MYO9A: variants seen among roughly 807,000 people sequenced by gnomAD.
The protein encoded by MYO9A is unconventional myosin-IXa.
A neutral mutation model predicts 293.3 loss-of-function variants in MYO9A; 103 were observed. The observed-to-expected ratio is 0.35, with a 90% confidence interval of 0.30 to 0.41. MYO9A has a LOEUF of 0.41. MYO9A is among the 10% of genes least tolerant of loss of function. The pLI, the probability that MYO9A is intolerant of heterozygous loss-of-function variation, is 1.00. For missense variants in MYO9A, 2,685 were observed against 3,033.0 expected (o/e 0.89, Z 2.69); for synonymous variants, 1,001 against 1,035.7 (o/e 0.97, Z 0.64).
intron 39 of MYO9A, among the ~76,000 whole-genome samples, chr15:71,844,857 G>T (rs2055316132): frequency 6.6e-6 from 1 of 152,122 alleles, no homozygotes; most frequent in South Asian, 2.1e-4. Flanking sequence ...TTTAGAAAAA[G>T]ACATATATTA....
At chr15:71,988,011 AC>A (rs1381997962) in intron 11 of MYO9A, among the ~76,000 whole-genome samples, 28 of 152,148 alleles carry the variant, frequency 1.8e-4, no homozygotes, top group Admixed American at 1.6e-3. Context: ...TATATATAAT[AC>A]GTTTATGGCC....
At chr15:71,964,298 C>A (rs930281381) in intron 13 of MYO9A, among the ~76,000 whole-genome samples, 20 of 152,086 alleles carry the variant, frequency 1.3e-4, no homozygotes, top group African/African-American at 4.8e-4. Context: ...TACCCTTTCT[C>A]TAATTCCTTT....
At chr15:71,894,398 A>C (rs2057264812) in intron 25 of MYO9A, among the ~76,000 whole-genome samples, 3 of 152,064 alleles carry the variant, frequency 2.0e-5, no homozygotes, top group Admixed American at 2.0e-4. Context: ...TCAACATGGC[A>C]AAACTCCGTC....
intron 2 of MYO9A, chr15:72,045,373 C>T (rs929955875): frequency 6.2e-6 from 1 of 161,132 alleles, no homozygotes; most frequent in African/African-American, 2.4e-5. Context: ...AAACAATTCT[C>T]CTGCCTCAGC....
At position 71,897,502 on chromosome 15, in the gene MYO9A, C is replaced by T. The variant is rs199824222; in HGVS notation, c.5001G>A (p.Arg1667=). ...SDDLSREGNA[R]PIFFTPKDNM... ...TGTCCTTTGGAGTGAAGAAAATGGGCCTAGCATTTCCCTCTCTGGAAAGGT... is the reference window on the plus strand; with the variant it reads ...TGTCCTTTGGAGTGAAGAAAATGGGTCTAGCATTTCCCTCTCTGGAAAGGT... The change falls in exon 25 of 42, where the codon AGG becomes AGA. Residue 1667 remains arginine (R), a synonymous_variant. Transcript: ENST00000356056. 43 of 1,613,568 alleles carry T rather than the reference C, an allele frequency of 2.7e-5. No homozygotes were observed. The highest frequency in any genetic ancestry group is 1.7e-4 in the Admixed American group (10 of 59,956).
At chr15:71,870,193 T>C (rs1424217977) in intron 32 of MYO9A, among the ~76,000 whole-genome samples, 2 of 151,892 alleles carry the variant, frequency 1.3e-5, no homozygotes, top group Non-Finnish European at 2.9e-5. Context: ...AAAGTCTGTA[T>C]TACTTTCATG....
At chr15:71,997,976 T>C (rs1377221844) in intron 9 of MYO9A, among the ~76,000 whole-genome samples, 4 of 152,172 alleles carry the variant, frequency 2.6e-5, no homozygotes, top group Non-Finnish European at 4.4e-5. Flanking sequence ...ACTGGGCATA[T>C]ATCCAAAGGA....
chr15:71,837,135 T>C (rs1244663880), intron 39 of MYO9A, among the ~76,000 whole-genome samples: 2 of 152,080 alleles, frequency 1.3e-5, no homozygotes, highest in Non-Finnish European at 2.9e-5. Flanking sequence ...TGAGTTGAGT[T>C]TGGCAAGAAA....
In MYO9A at chr15:71,825,977, C is replaced by T. The variant is rs573847130; in HGVS notation, c.*603G>A. Reference sequence around the variant, plus strand: ...ACACGCTCTGATGGCTTAATGGAAACAATCACGGTTTTTTTTTGTTTTTTT... The same window carrying T: ...ACACGCTCTGATGGCTTAATGGAAATAATCACGGTTTTTTTTTGTTTTTTT... On this transcript the variant is annotated 3_prime_UTR_variant, in exon 42 of 42. Coordinates refer to ENST00000356056, the MANE Select transcript of MYO9A (RefSeq NM_006901.4). 8.3e-5 allele frequency: 12 copies of T among 145,206 alleles called. No homozygotes were observed. Among genetic ancestry groups the T allele is most frequent in the African/African-American group, 2.8e-4 (11 of 39,672 alleles). 9.0% of individuals were successfully genotyped at this position (145,206 alleles called of 1,614,324 possible).
chr15:72,040,180 C>A (rs1432405609), intron 2 of MYO9A: 1 of 152,594 alleles, frequency 6.6e-6, no homozygotes, highest in African/African-American at 2.4e-5. Flanking sequence ...CGTAGATAGG[C>A]CTCTAGGAAG....
rs149936860 is a variant in MYO9A, at chr15:71,946,310, T to C, written c.2302+5467A>G. On this transcript the variant is annotated intron_variant, in intron 15 of 41. Transcript: ENST00000356056. ...AATAAAATTACTAATGAGCCTATCT[T>C]GGCCTAAACTTCGTGTGGGGGGAAA... is the stretch of plus-strand genomic sequence containing the variant. Among the ~76,000 whole-genome samples, 33 of 152,326 alleles carry C rather than the reference T, an allele frequency of 2.2e-4. 1 individual carries two copies. The Middle Eastern group carries it at 0.01, about 47-fold the overall frequency.
At chr15:72,000,176 C>T (rs896820240) in intron 8 of MYO9A, among the ~76,000 whole-genome samples, 1 of 152,120 alleles carries the variant, frequency 6.6e-6, no homozygotes, top group East Asian at 1.9e-4. Flanking sequence ...AACAGAGAAA[C>T]ATGTTTCATT....
At chr15:71,946,905 G>A (rs1451866569) in intron 15 of MYO9A, among the ~76,000 whole-genome samples, 1 of 152,214 alleles carries the variant, frequency 6.6e-6, no homozygotes, top group Admixed American at 6.5e-5. Flanking sequence ...CTTGAAGCCA[G>A]GAGTTTGAGA....
At chr15:71,902,903 C>A in intron 22 of MYO9A, 38 bp downstream of exon 22, 1 of 1,404,468 alleles carries the variant, frequency 7.1e-7, no homozygotes, top group Non-Finnish European at 9.5e-7. Flanking sequence ...TAAATAAATG[C>A]ACTCAATTTT....
intron 13 of MYO9A, among the ~76,000 whole-genome samples, chr15:71,967,514 TA>T (rs2075907438): frequency 6.6e-6 from 1 of 152,182 alleles, no homozygotes; most frequent in African/African-American, 2.4e-5. Context: ...ATCAAGTAGT[TA>T]AAGAATAACA....
rs1057464397 is a variant in MYO9A at position 71,916,379 on chromosome 15, G to C, written c.2676C>G (p.Ala892=). 1 of 1,610,314 alleles carries C rather than the reference G, an allele frequency of 6.2e-7. No individual in the cohort carries two copies. Among genetic ancestry groups the C allele is most frequent in the African/African-American group, 1.3e-5 (1 of 74,586 alleles). ...HKKKKPPSIS[A]QFQASLSKLM... ...CGAAACAAGAAATAACCTGAAACTG[G>C]GCACTGATGCTGGGAGGTTTTTTCT... The change falls in exon 19 of 42, where the codon GCC becomes GCG. Residue 892 remains alanine (A), a synonymous_variant. Transcript: ENST00000356056.
At chr15:71,976,660 TGA>T (rs1163184402) in intron 12 of MYO9A, among the ~76,000 whole-genome samples, 1 of 152,216 alleles carries the variant, frequency 6.6e-6, no homozygotes, top group African/African-American at 2.4e-5. Flanking sequence ...TACAATTTTA[TGA>T]GAGACAATAA....
chr15:72,030,228 T>C (rs1374908696), intron 3 of MYO9A, among the ~76,000 whole-genome samples: 1 of 152,162 alleles, frequency 6.6e-6, no homozygotes, highest in Non-Finnish European at 1.5e-5. Context: ...GAAATTAACA[T>C]GAATATGTTA....
At chr15:72,041,669 T>C (rs567225578) in intron 2 of MYO9A, 135 of 212,404 alleles carry the variant, frequency 6.4e-4, no homozygotes, top group African/African-American at 1.9e-3. Flanking sequence ...GCTGGGGAGA[T>C]GGTAGTTTTT....
Sources: allele counts gnomAD v4.1 joint callset (sites outside exome capture counted in the v4.1 genomes callset), GRCh38; gene constraint gnomAD v4.1.1; transcripts MANE v1.5; gene names NCBI Gene and HGNC (gene_info 2026-07-23, HGNC 2026-07-21).